The following CENPW variants were observed in gnomAD, a reference collection of about 807,000 sequenced individuals.
The protein encoded by CENPW is cancer-up-regulated gene 2 protein.
In CENPW, 3 loss-of-function variants were observed where a neutral mutation model predicts 11.1. The observed-to-expected ratio is 0.27, with a 90% CI of 0.12 to 0.70. The LOEUF (loss-of-function observed/expected upper bound fraction) is 0.70, where lower values mean the gene tolerates loss of function less well. Among genes scored for constraint, CENPW ranks in the 30% least tolerant of loss-of-function variants. The pLI, the probability that CENPW is intolerant of heterozygous loss-of-function variation, is 0.77. For missense variants in CENPW, 100 were observed against 105.6 expected (o/e 0.95, Z 0.23); for synonymous variants, 38 against 42.0 (o/e 0.91, Z 0.37).
chr6:126,434,827 A>G, the CENPW span, among the ~76,000 whole-genome samples: 1 of 151,974 alleles, frequency 6.6e-6, no homozygotes, highest in Non-Finnish European at 1.5e-5. Flanking sequence ...TACAAAATCT[A>G]AGTTCTGGAG....
chr6:126,468,021 T>G, the CENPW span, among the ~76,000 whole-genome samples: 1 of 151,952 alleles, frequency 6.6e-6, no homozygotes, highest in Non-Finnish European at 1.5e-5. Flanking sequence ...ACGCAACCAG[T>G]ACTAAAATGC....
At chr6:126,411,284 A>T in the CENPW span, among the ~76,000 whole-genome samples, 6 of 152,310 alleles carry the variant, frequency 3.9e-5, 1 homozygote, top group Admixed American at 1.3e-4. Context: ...CCACGGCTGT[A>T]GAAATTTATG....
chr6:126,358,772 C>T, the CENPW span, among the ~76,000 whole-genome samples: 4 of 151,948 alleles, frequency 2.6e-5, no homozygotes, highest in African/African-American at 9.7e-5. Context: ...GGAGTAGTTT[C>T]AGTAAAATTG....
At chr6:126,401,989 G>T in the CENPW span, among the ~76,000 whole-genome samples, 4 of 151,960 alleles carry the variant, frequency 2.6e-5, no homozygotes, top group Non-Finnish European at 4.4e-5. Context: ...AAGTGCTCTC[G>T]TCACAGCCTC....
At chr6:126,359,933 G>C in the CENPW span, among the ~76,000 whole-genome samples, 1 of 151,996 alleles carries the variant, frequency 6.6e-6, no homozygotes, top group Non-Finnish European at 1.5e-5. Flanking sequence ...TTTACATTCA[G>C]GCCTGGTATT....
the CENPW span, among the ~76,000 whole-genome samples, chr6:126,442,730 A>G: frequency 6.6e-6 from 1 of 151,368 alleles, no homozygotes; most frequent in African/African-American, 2.4e-5. Context: ...GTTCAAATGT[A>G]AGTCAAAAAG....
chr6:126,472,134 T>C, the CENPW span, among the ~76,000 whole-genome samples: 1 of 152,192 alleles, frequency 6.6e-6, no homozygotes, highest in African/African-American at 2.4e-5. Context: ...TTTTCCCTGG[T>C]ATATTTTTAA....
At chr6:126,375,991 T>C in the CENPW span, among the ~76,000 whole-genome samples, 22 of 152,306 alleles carry the variant, frequency 1.4e-4, no homozygotes, top group African/African-American at 4.8e-4. Flanking sequence ...ATAGCCTTAG[T>C]TGGCCATGGA....
At chr6:126,417,248 G>C in the CENPW span, among the ~76,000 whole-genome samples, 1 of 152,154 alleles carries the variant, frequency 6.6e-6, no homozygotes, top group East Asian at 1.9e-4. Flanking sequence ...ATTTGGAATG[G>C]CTGTATTTAA....
chr6:126,355,136 A>G, the CENPW span, among the ~76,000 whole-genome samples: 4 of 152,168 alleles, frequency 2.6e-5, no homozygotes, highest in Admixed American at 6.6e-5. Context: ...CCAGGAGGCA[A>G]ATACAAATAA....
the CENPW span, among the ~76,000 whole-genome samples, chr6:126,377,295 A>T: frequency 6.6e-6 from 1 of 152,194 alleles, no homozygotes; most frequent in Admixed American, 6.5e-5. Flanking sequence ...TCACTACTTT[A>T]CATATTTAGC....
the CENPW span, among the ~76,000 whole-genome samples, chr6:126,398,655 A>AT: frequency 2.0e-5 from 3 of 151,914 alleles, no homozygotes; most frequent in Non-Finnish European, 4.4e-5. Context: ...TTGTAAGTGT[A>AT]TTTTTTATTT....
the CENPW span, among the ~76,000 whole-genome samples, chr6:126,425,452 C>G: frequency 2.0e-5 from 3 of 152,068 alleles, no homozygotes; most frequent in Non-Finnish European, 4.4e-5. Flanking sequence ...ACATAAAAAT[C>G]CTGTCTGATT....
At chr6:126,451,982 C>A in the CENPW span, among the ~76,000 whole-genome samples, 1 of 150,958 alleles carries the variant, frequency 6.6e-6, no homozygotes, top group Admixed American at 6.6e-5. Flanking sequence ...AACCAATAGA[C>A]CCCCCACCCA....
the CENPW span, among the ~76,000 whole-genome samples, chr6:126,449,797 A>G: frequency 6.6e-6 from 1 of 151,152 alleles, no homozygotes; most frequent in South Asian, 2.1e-4. Context: ...CATAGGGAAT[A>G]GTACAGAAAT....
At chr6:126,460,506 A>G in the CENPW span, among the ~76,000 whole-genome samples, 1 of 151,684 alleles carries the variant, frequency 6.6e-6, no homozygotes, top group African/African-American at 2.4e-5. Context: ...GTGCCCTAAC[A>G]TCTTACCCCC....
At chr6:126,441,922 A>C in the CENPW span, among the ~76,000 whole-genome samples, 1 of 151,596 alleles carries the variant, frequency 6.6e-6, no homozygotes, top group East Asian at 1.9e-4. Flanking sequence ...ATGCGTGTGC[A>C]AGTATCTTTT....
chr6:126,463,288 A>C, the CENPW span, among the ~76,000 whole-genome samples: 2 of 152,066 alleles, frequency 1.3e-5, no homozygotes, highest in East Asian at 3.9e-4. Context: ...TCTATAAATT[A>C]TGAAAAATAT....
At chr6:126,477,603 A>C in the CENPW span, among the ~76,000 whole-genome samples, 1 of 152,150 alleles carries the variant, frequency 6.6e-6, no homozygotes, top group Non-Finnish European at 1.5e-5. Flanking sequence ...CAAATGACTT[A>C]CTCAATTTTG....
Sources: allele counts gnomAD v4.1 joint callset (sites outside exome capture counted in the v4.1 genomes callset), GRCh38; gene constraint gnomAD v4.1.1; transcripts MANE v1.5; gene names NCBI Gene and HGNC (gene_info 2026-07-23, HGNC 2026-07-21).